The following ENOX1 variants were observed in gnomAD, a reference collection of about 807,000 sequenced individuals.
ENOX1 encodes the protein ecto-NOX disulfide-thiol exchanger 1.
ENOX1 carries 42 observed loss-of-function variants against 82.5 expected under a neutral mutation model. That is an observed-to-expected ratio of 0.51 (90% CI 0.40 to 0.66). The LOEUF (loss-of-function observed/expected upper bound fraction) is 0.66. Among genes scored for constraint, ENOX1 ranks in the 30% least tolerant of loss-of-function variants. The probability of loss-of-function intolerance (pLI) is 0.00; values close to 1 mark genes in which losing one functional copy is unlikely to be tolerated. For synonymous variants in ENOX1, 271 were observed against 282.2 expected (o/e 0.96, Z 0.40); for missense variants, 608 against 811.6 (o/e 0.75, Z 3.05).
intron 1 of ENOX1, among the ~76,000 whole-genome samples, chr13:43,725,876 A>T (rs2088913114): frequency 6.6e-6 from 1 of 150,966 alleles, no homozygotes; most frequent in Admixed American, 6.6e-5. Context: ...CTGAGACAGG[A>T]GGGTTGCTTG....
At chr13:43,373,118 G>A (rs2051353156) in intron 5 of ENOX1, among the ~76,000 whole-genome samples, 2 of 151,850 alleles carry the variant, frequency 1.3e-5, no homozygotes, top group South Asian at 4.2e-4. Flanking sequence ...GTGTATGCAT[G>A]TGTATATTAG....
intron 2 of ENOX1, among the ~76,000 whole-genome samples, chr13:43,555,313 C>T (rs1447001395): frequency 6.6e-6 from 1 of 152,202 alleles, no homozygotes; most frequent in South Asian, 2.1e-4. Flanking sequence ...TCAACCCTTG[C>T]TTTTTTGCCT....
chr13:43,342,714 C>T (rs550079949), intron 9 of ENOX1, among the ~76,000 whole-genome samples: 3 of 152,224 alleles, frequency 2.0e-5, no homozygotes, highest in Admixed American at 6.5e-5. Flanking sequence ...CTCAACACAA[C>T]GTCCAACATT....
intron 2 of ENOX1, among the ~76,000 whole-genome samples, chr13:43,622,533 CCAG>C (rs2082782066): frequency 6.6e-6 from 1 of 152,152 alleles, no homozygotes; most frequent in South Asian, 2.1e-4. Context: ...GTCTAGCCAC[CCAG>C]CAAGTCTACC....
At chr13:43,432,125 C>G (rs116669031) in intron 3 of ENOX1, among the ~76,000 whole-genome samples, 1 of 152,092 alleles carries the variant, frequency 6.6e-6, no homozygotes, top group Non-Finnish European at 1.5e-5. Context: ...TGTGGCTCCT[C>G]GTTGTGTGGT....
Position 43,298,397 on chromosome 13 carries a change from G to A in ENOX1, c.1395C>T (p.Thr465=). 6.2e-7 allele frequency: 1 copy of A among 1,613,108 alleles called. No homozygotes were observed. Among genetic ancestry groups the A allele is most frequent in the South Asian group, 1.1e-5 (1 of 91,024 alleles). Reference sequence around the variant, plus strand: ...GCAGAAACTGCAGTTGCTGGTCCTTGGTGAGGTTTTCTTCTGTTCGGAAAA... The same window carrying A: ...GCAGAAACTGCAGTTGCTGGTCCTTAGTGAGGTTTTCTTCTGTTCGGAAAA... ...EQLFRTEENL[T]KDQQLQFLQQ... The change falls in exon 12 of 17, where the codon ACC becomes ACT. Residue 465 remains threonine (T), a synonymous_variant. Coordinates refer to ENST00000690772, the MANE Select transcript of ENOX1 (RefSeq NM_001347969.2).
At chr13:43,692,834 T>A (rs888897588) in intron 1 of ENOX1, among the ~76,000 whole-genome samples, 1 of 152,076 alleles carries the variant, frequency 6.6e-6, no homozygotes, top group Middle Eastern at 3.2e-3. Flanking sequence ...CTGATAAAAA[T>A]TTGCAGGAAG....
chr13:43,622,528 G>C (rs1279299195), intron 2 of ENOX1, among the ~76,000 whole-genome samples: 1 of 152,136 alleles, frequency 6.6e-6, no homozygotes, highest in East Asian at 1.9e-4. Flanking sequence ...TCTGAGTCTA[G>C]CCACCCAGCA....
chr13:43,361,980 A>C (rs959915281), intron 5 of ENOX1, among the ~76,000 whole-genome samples: 3 of 135,498 alleles, frequency 2.2e-5, no homozygotes, highest in Non-Finnish European at 4.5e-5. Flanking sequence ...CCTGGAATAA[A>C]AAAAAAAAAA....
At chr13:43,371,136 A>C (rs1364912194) in intron 5 of ENOX1, among the ~76,000 whole-genome samples, 1 of 152,154 alleles carries the variant, frequency 6.6e-6, no homozygotes, top group Admixed American at 6.5e-5. Flanking sequence ...CTGTTATATA[A>C]TGATAGGGAG....
At chr13:43,590,094 G>C (rs1265993360) in intron 2 of ENOX1, among the ~76,000 whole-genome samples, 2 of 151,964 alleles carry the variant, frequency 1.3e-5, no homozygotes. Flanking sequence ...TGCTCTAAGT[G>C]GCTGAATAAA....
chr13:43,313,988 A>C (rs1222875588), intron 11 of ENOX1, among the ~76,000 whole-genome samples: 3 of 152,226 alleles, frequency 2.0e-5, no homozygotes, highest in Non-Finnish European at 4.4e-5. Context: ...AAGGGGGCTC[A>C]TTAAAGACCC....
chr13:43,413,416 C>T (rs180680892), intron 3 of ENOX1, among the ~76,000 whole-genome samples: 2 of 151,880 alleles, frequency 1.3e-5, no homozygotes, highest in East Asian at 1.9e-4. Flanking sequence ...GGAAGATGGT[C>T]GTCTGTGGAA....
rs2041314056 is a variant in ENOX1, at chr13:43,213,876, G to A, written c.*114C>T. On this transcript the variant is annotated 3_prime_UTR_variant, in exon 17 of 17. Coordinates refer to ENST00000690772, the MANE Select transcript of ENOX1 (RefSeq NM_001347969.2). ...ACAGATATAACTAAAGGCAGGCTTC[G>A]ATGGCTCCACAAAGGTTGCGTGCTG... 2.5e-6 allele frequency: 3 copies of A among 1,193,176 alleles called. No individual in the cohort carries two copies. Among genetic ancestry groups the A allele is most frequent in the Non-Finnish European group, 3.5e-6 (3 of 869,032 alleles). 73.9% of individuals were successfully genotyped at this position (1,193,176 alleles called of 1,614,324 possible). A position where few individuals can be genotyped will look rare whatever the true frequency, so the allele number is the denominator to read the frequency against.
At chr13:43,775,794 T>G (rs1346570855) in intron 1 of ENOX1, among the ~76,000 whole-genome samples, 1 of 152,146 alleles carries the variant, frequency 6.6e-6, no homozygotes, top group Non-Finnish European at 1.5e-5. Flanking sequence ...ACAGGGAGCC[T>G]GAAGAGTCAC....
chr13:43,531,305 C>A (rs1384995613), intron 2 of ENOX1, among the ~76,000 whole-genome samples: 1 of 151,858 alleles, frequency 6.6e-6, no homozygotes, highest in African/African-American at 2.4e-5. Context: ...ATTTATGCAG[C>A]CAAAAACACA....
chr13:43,343,244 T>C (rs998906553), intron 9 of ENOX1, among the ~76,000 whole-genome samples: 16 of 152,186 alleles, frequency 1.1e-4, no homozygotes, highest in African/African-American at 3.1e-4. Context: ...ATTCTCTTCT[T>C]CCCTCCTTTA....
chr13:43,352,076 C>A (rs949408493), intron 8 of ENOX1, among the ~76,000 whole-genome samples: 25 of 152,214 alleles, frequency 1.6e-4, no homozygotes, highest in African/African-American at 6.0e-4. Flanking sequence ...ATACTGACAA[C>A]CATCTCAGCA....
intron 5 of ENOX1, among the ~76,000 whole-genome samples, chr13:43,363,207 A>G (rs962776346): frequency 6.6e-6 from 1 of 152,234 alleles, no homozygotes; most frequent in Non-Finnish European, 1.5e-5. Flanking sequence ...TTTCACAAGT[A>G]TGATTTCCAT....
Sources: allele counts gnomAD v4.1 joint callset (sites outside exome capture counted in the v4.1 genomes callset), GRCh38; gene constraint gnomAD v4.1.1; transcripts MANE v1.5; gene names NCBI Gene and HGNC (gene_info 2026-07-23, HGNC 2026-07-21).